Variants in OR14A16 observed in about 807,000 individuals in gnomAD.
OR14A16 encodes the protein olfactory receptor 14A16.
For missense variants in OR14A16, 341 were observed against 366.5 expected (o/e 0.93, Z 0.57); for synonymous variants, 135 against 137.6 (o/e 0.98, Z 0.13).
chr1:247,823,369 C>T (rs1336193903), intron 1 of OR14A16, among the ~76,000 whole-genome samples: 2 of 152,156 alleles, frequency 1.3e-5, no homozygotes, highest in African/African-American at 2.4e-5. Context: ...TGGTGCTGCA[C>T]ACCTGTAATC....
At chr1:247,822,794 A>G (rs564800251) in intron 1 of OR14A16, among the ~76,000 whole-genome samples, 4 of 152,318 alleles carry the variant, frequency 2.6e-5, no homozygotes, top group Non-Finnish European at 5.9e-5. Context: ...AAGAGTGAGG[A>G]AGCTTATTGG....
At chr1:247,817,121 T>C (rs964012353) in intron 2 of OR14A16, among the ~76,000 whole-genome samples, 3 of 152,232 alleles carry the variant, frequency 2.0e-5, no homozygotes, top group African/African-American at 4.8e-5. Flanking sequence ...ACAGATTGTA[T>C]ACATTGACCT....
In OR14A16 at chr1:247,814,698, C is replaced by T. The variant is rs913313475; in HGVS notation, c.*102G>A. 4.2e-5 allele frequency: 24 copies of T among 568,242 alleles called. No homozygotes were observed. In the African/African-American group the frequency reaches 4.7e-4, roughly 11 times the overall value. The allele number at this position is 568,242 out of a possible 1,614,324, so 35.2% of individuals were successfully genotyped here. A position where few individuals can be genotyped will look rare whatever the true frequency, so the allele number is the denominator to read the frequency against. On this transcript the variant is annotated 3_prime_UTR_variant, in exon 3 of 3. Coordinates refer to ENST00000641093, the MANE Select transcript of OR14A16 (RefSeq NM_001001966.2). The stretch of plus-strand genomic sequence containing the variant: ...TAATAAAATAATTGCTTTCATTTGT[C>T]TTTTTAAATTTTTACTTTTAAGAAT...
At chr1:247,817,778 A>AT (rs1662654881) in intron 2 of OR14A16, among the ~76,000 whole-genome samples, 1 of 151,956 alleles carries the variant, frequency 6.6e-6, no homozygotes, top group Non-Finnish European at 1.5e-5. Context: ...TTGTGATTTC[A>AT]TTTAACATTT....
At chr1:247,816,535 A>G (rs574396520) in intron 2 of OR14A16, among the ~76,000 whole-genome samples, 49 of 152,232 alleles carry the variant, frequency 3.2e-4, no homozygotes, top group African/African-American at 1.2e-3. Flanking sequence ...AAGACCAGCC[A>G]GGACAACATG....
chr1:247,820,344 A>C lies in OR14A16; in HGVS notation c.-130-1167T>G, dbSNP rs114629592. Among the ~76,000 whole-genome samples the C allele has an allele frequency of 3.3e-3, 495 of 152,274 alleles. 4 individuals are homozygous for C. Among genetic ancestry groups the C allele is most frequent in the African/African-American group, 0.011 (444 of 41,532 alleles). ...TTTGATAGAATTTACCCATGAAGCC[A>C]CCAGTGACTGGGTGTTTTTGTTGTT... On this transcript the variant is annotated intron_variant, in intron 1 of 2. Coordinates refer to ENST00000641093, the MANE Select transcript of OR14A16 (RefSeq NM_001001966.2).
At chr1:247,817,054 T>C (rs1662635298) in intron 2 of OR14A16, among the ~76,000 whole-genome samples, 2 of 152,204 alleles carry the variant, frequency 1.3e-5, no homozygotes, top group South Asian at 4.1e-4. Flanking sequence ...CTTACTCTGA[T>C]GGAAAACTGT....
intron 1 of OR14A16, among the ~76,000 whole-genome samples, chr1:247,820,337 T>G (rs1056982181): frequency 6.6e-6 from 1 of 152,164 alleles, no homozygotes; most frequent in African/African-American, 2.4e-5. Context: ...AATTTACCCA[T>G]GAAGCCACCA....
intron 1 of OR14A16, among the ~76,000 whole-genome samples, chr1:247,822,947 G>A (rs563152101): frequency 1.3e-5 from 2 of 152,328 alleles, no homozygotes; most frequent in East Asian, 3.9e-4. Flanking sequence ...TTGGCCAGCT[G>A]AATGTAAGAC....
chr1:247,820,718 A>G (rs1662719933), intron 1 of OR14A16, among the ~76,000 whole-genome samples: 1 of 151,794 alleles, frequency 6.6e-6, no homozygotes, highest in Admixed American at 6.6e-5. Flanking sequence ...CAATTACCCA[A>G]GCGTGGTGGT....
At chr1:247,821,503 C>G (rs34216018) in intron 1 of OR14A16, among the ~76,000 whole-genome samples, 13 of 151,988 alleles carry the variant, frequency 8.6e-5, no homozygotes, top group Non-Finnish European at 1.8e-4. Context: ...CCCTTTATCA[C>G]TATATAATAA....
Position 247,815,388 on chromosome 1 carries a change from C to T in OR14A16, c.342G>A (p.Thr114=), listed in dbSNP as rs777222344. 2.4e-5 allele frequency: 39 copies of T among 1,613,802 alleles called. No homozygotes were observed. Among genetic ancestry groups the T allele is most frequent in the Non-Finnish European group, 2.8e-5 (33 of 1,179,934 alleles). The part of the protein sequence containing the change: ...SSASAELLLL[T]VMSFDRYTAI... ...CAGTATAGCGGTCAAAGGACATCAC[C>T]GTGAGGAGGAGCAGCTCTGCAGATG... The change falls in exon 3 of 3, where the codon ACG becomes ACA. Residue 114 remains threonine (T), a synonymous_variant. Transcript: ENST00000641093.
At position 247,821,797 on chromosome 1, in the gene OR14A16, G is replaced by A. The variant is rs1662744994; in HGVS notation, c.-131+2156C>T. Among the ~76,000 whole-genome samples the A allele has an allele frequency of 2.1e-5, 3 of 145,962 alleles. 1 individual carries two copies. The highest frequency in any genetic ancestry group is 7.4e-5 in the African/African-American group (3 of 40,704). On this transcript the variant is annotated intron_variant, in intron 1 of 2. Coordinates refer to ENST00000641093, the MANE Select transcript of OR14A16 (RefSeq NM_001001966.2). The stretch of plus-strand genomic sequence containing the variant: ...AATATTTTCTGGAGTTCTTTTGTGT[G>A]TTTTTAAAATAGATTCTTTGTTCCT...
Position 247,815,215 on chromosome 1 carries a change from A to G in OR14A16, c.515T>C (p.Val172Ala), listed in dbSNP as rs74152818. ...FSLSYCGSNM[V>A]HQFFCDIPQL... ...GGGAATGTCACAGAAGAACTGATGGACCATGTTGGACCCACAGTAGGATAA... is the reference window on the plus strand; with the variant it reads ...GGGAATGTCACAGAAGAACTGATGGGCCATGTTGGACCCACAGTAGGATAA... Residue 172 changes from valine to alanine, a missense_variant, in exon 3 of 3, where the codon GTC (valine) becomes GCC (alanine). Transcript: ENST00000641093. The G allele has an allele frequency of 4.5e-3, 7,218 of 1,589,916 alleles. 232 individuals carry two copies. In the African/African-American group the frequency reaches 0.086, roughly 19 times the overall value.
At chr1:247,817,895 A>G (rs1489368343) in intron 2 of OR14A16, among the ~76,000 whole-genome samples, 2 of 152,142 alleles carry the variant, frequency 1.3e-5, no homozygotes, top group African/African-American at 4.8e-5. Context: ...TAATGTGCCA[A>G]AAGTATTAAA....
At chr1:247,817,721 G>T (rs1236188191) in intron 2 of OR14A16, among the ~76,000 whole-genome samples, 1 of 151,642 alleles carries the variant, frequency 6.6e-6, no homozygotes, top group African/African-American at 2.4e-5. Context: ...TTTAAGATTA[G>T]TCTTAAGTTT....
chr1:247,816,215 T>G (rs1662618940), intron 2 of OR14A16, among the ~76,000 whole-genome samples: 1 of 152,158 alleles, frequency 6.6e-6, no homozygotes, highest in African/African-American at 2.4e-5. Context: ...AATTAACAAT[T>G]CTAAAAACAA....
intron 1 of OR14A16, among the ~76,000 whole-genome samples, chr1:247,822,473 C>T (rs1277643033): frequency 2.4e-4 from 1 of 4,250 alleles, no homozygotes; most frequent in Non-Finnish European, 8.6e-4. Flanking sequence ...GACTCTGGGA[C>T]TTGCACCAAG....
rs562766427 is a variant in OR14A16, at chr1:247,817,833, A to G, written c.-16+1230T>C. On this transcript the variant is annotated intron_variant, in intron 2 of 2. Transcript: ENST00000641093. ...GTGGTAAATCCAAAAATATATCACT[A>G]AGAGTTACAACATCTGATATTCATA... Among the ~76,000 whole-genome samples, 531 of 152,312 alleles carry G rather than the reference A, an allele frequency of 3.5e-3. 1 individual carries two copies. Among genetic ancestry groups the G allele is most frequent in the African/African-American group, 0.012 (514 of 41,582 alleles).
Sources: gnomAD v4.1 joint callset for allele counts (sites outside exome capture counted in the v4.1 genomes callset) on GRCh38, gnomAD v4.1.1 for gene constraint, MANE v1.5 for transcripts, NCBI Gene and HGNC (gene_info 2026-07-23, HGNC 2026-07-21) for gene names.